Variants in MTTP observed in about 807,000 individuals in gnomAD.
MTTP encodes microsomal triglyceride transfer protein large subunit.
Under a neutral mutation model 90.6 loss-of-function variants are expected in MTTP, and 49 were observed. The ratio of observed to expected loss-of-function variants is 0.54; its 90% CI spans 0.43 to 0.69. The LOEUF (loss-of-function observed/expected upper bound fraction) is 0.69, where lower values mean the gene tolerates loss of function less well. Among genes scored for constraint, MTTP ranks in the 30% least tolerant of loss-of-function variants. The pLI is 0.00. For synonymous variants in MTTP, 347 were observed against 384.2 expected (o/e 0.90, Z 1.13); for missense variants, 945 against 1,067.5 (o/e 0.89, Z 1.60).
intron 10 of MTTP, among the ~76,000 whole-genome samples, chr4:99,604,208 G>T (rs1213742280): frequency 2.6e-5 from 4 of 152,022 alleles, no homozygotes; most frequent in Non-Finnish European, 5.9e-5. Context: ...GTAGCTACTG[G>T]GCACACTATA....
At chr4:99,594,931 T>C (rs1468255277) in intron 7 of MTTP, 48 bp downstream of exon 7, 3 of 1,601,758 alleles carry the variant, frequency 1.9e-6, no homozygotes, top group Non-Finnish European at 2.6e-6. Context: ...GACTCTGTTT[T>C]CATTTTGTCT....
chr4:99,612,189 A>T (rs1725973886), intron 14 of MTTP, among the ~76,000 whole-genome samples: 1 of 152,190 alleles, frequency 6.6e-6, no homozygotes, highest in Non-Finnish European at 1.5e-5. Flanking sequence ...TTTTGGTAGT[A>T]CTGTAGTCAG....
chr4:99,587,584 A>G (rs1725288583), intron 3 of MTTP, among the ~76,000 whole-genome samples: 1 of 152,166 alleles, frequency 6.6e-6, no homozygotes, highest in African/African-American at 2.4e-5. Flanking sequence ...AAACTTTAAA[A>G]ATAGCTCAGA....
At chr4:99,568,155 G>T (rs1724749773) in intron 1 of MTTP, among the ~76,000 whole-genome samples, 1 of 152,036 alleles carries the variant, frequency 6.6e-6, no homozygotes, top group Non-Finnish European at 1.5e-5. Context: ...ATTCACCATT[G>T]TACTGGAAAT....
At chr4:99,583,542 A>G in intron 3 of MTTP, 25 bp downstream of exon 3, 1 of 1,613,262 alleles carries the variant, frequency 6.2e-7, no homozygotes, top group Non-Finnish European at 8.5e-7. Context: ...AGATTCCACA[A>G]CTTTTTCTCC....
At position 99,606,737 on chromosome 4, in the gene MTTP, T is replaced by A; in HGVS notation, c.1345-11T>A. On this transcript the variant is annotated splice_polypyrimidine_tract_variant and intron_variant, in intron 10 of 17. Transcript: ENST00000265517. ...TGGTCATGCATATATCTAAGGTATA[T>A]GATTTTTCAGGCAGTAGTGGAAGCT... 3 of 1,612,370 alleles carry A rather than the reference T, an allele frequency of 1.9e-6. No homozygotes were observed. Among genetic ancestry groups the A allele is most frequent in the Non-Finnish European group, 2.5e-6 (3 of 1,179,374 alleles).
At chr4:99,583,682 A>G (rs1353997086) in intron 3 of MTTP, 165 bp downstream of exon 3, 2 of 845,096 alleles carry the variant, frequency 2.4e-6, no homozygotes, top group Non-Finnish European at 3.8e-6. Flanking sequence ...TCCAAACTGA[A>G]TCAATGCCCT....
chr4:99,566,143 G>T (rs1578224423), intron 1 of MTTP, among the ~76,000 whole-genome samples: 2 of 151,916 alleles, frequency 1.3e-5, no homozygotes, highest in African/African-American at 4.8e-5. Flanking sequence ...CAAAAACTTA[G>T]CCGGGCGTGG....
At chr4:99,601,457 T>TTTCCAGG in intron 9 of MTTP, 150 bp from the exon 10 acceptor site, 6 of 589,566 alleles carry the variant, frequency 1.0e-5, no homozygotes, top group Non-Finnish European at 9.2e-6. Context: ...AGATAGCAAA[T>TTTCCAGG]GTGTAAGTGT....
intron 10 of MTTP, among the ~76,000 whole-genome samples, chr4:99,603,298 A>G (rs1725740540): frequency 6.6e-6 from 1 of 152,098 alleles, no homozygotes; most frequent in Admixed American, 6.6e-5. Flanking sequence ...ATAACAAGCT[A>G]AGGAGTCTGG....
intron 4 of MTTP, among the ~76,000 whole-genome samples, chr4:99,590,575 C>T (rs1159339124): frequency 6.6e-6 from 1 of 152,058 alleles, no homozygotes; most frequent in Non-Finnish European, 1.5e-5. Context: ...TCAACCAGCC[C>T]ATGAGTGGGT....
chr4:99,577,529 T>A (rs562265629), intron 1 of MTTP, among the ~76,000 whole-genome samples: 95 of 142,440 alleles, frequency 6.7e-4, no homozygotes, highest in Middle Eastern at 3.9e-3. Context: ...TGCGTGAAAC[T>A]GGGAGGTGGA....
intron 1 of MTTP, among the ~76,000 whole-genome samples, chr4:99,578,346 C>G (rs1338037951): frequency 6.6e-6 from 1 of 152,164 alleles, no homozygotes. Flanking sequence ...CTGAAGAGCA[C>G]TATCCTACAA....
At chr4:99,594,993 G>T in intron 7 of MTTP, 110 bp downstream of exon 7, 1 of 1,312,554 alleles carries the variant, frequency 7.6e-7, no homozygotes, top group Non-Finnish European at 1.1e-6. Flanking sequence ...AGAACTACCA[G>T]CTACCACAGA....
intron 6 of MTTP, 36 bp downstream of exon 6, chr4:99,591,826 T>C (rs1345883144): frequency 2.0e-6 from 3 of 1,520,868 alleles, no homozygotes; most frequent in African/African-American, 1.4e-5. Flanking sequence ...TTCTTTGCTA[T>C]TCTTTGTTAT....
intron 3 of MTTP, among the ~76,000 whole-genome samples, chr4:99,587,734 T>C (rs1725292031): frequency 6.6e-6 from 1 of 152,162 alleles, no homozygotes; most frequent in African/African-American, 2.4e-5. Context: ...GCATTGCCAC[T>C]GAGTGAACAC....
In MTTP at chr4:99,612,956, C is replaced by T. The variant is rs1456238919; in HGVS notation, c.2033C>T (p.Thr678Ile). The T allele has an allele frequency of 2.5e-6, 4 of 1,613,976 alleles. No homozygotes were observed. The highest frequency in any genetic ancestry group is 2.2e-5 in the South Asian group (2 of 91,074). ...AQGLEALIAA[T>I]PDEGEENLDS... is the part of the protein sequence containing the mutation. ...GGACTGGAAGCCTTAATCGCAGCCA[C>T]CCCTGACGAGGGGGAGGAGAACCTT... is the stretch of plus-strand genomic sequence containing the variant. Residue 678 changes from threonine (T) to isoleucine (I), a missense_variant, in exon 15 of 18, where the codon ACC becomes ATC. By Grantham distance (89) the Thr-to-Ile change is moderately conservative. Transcript: ENST00000265517.
chr4:99,612,898 A>G lies in MTTP; in HGVS notation c.1990-15A>G. On this transcript the variant is annotated splice_polypyrimidine_tract_variant and intron_variant, in intron 14 of 17. Transcript: ENST00000265517. ...AGGGAGCTTGCGTCATGAACATTAT[A>G]TTGATTTTATCCAGGTGGTTATTGA... 1 of 1,608,070 alleles carries G rather than the reference A, an allele frequency of 6.2e-7. No individual in the cohort carries two copies. Among genetic ancestry groups the G allele is most frequent in the Non-Finnish European group, 8.5e-7 (1 of 1,174,710 alleles).
chr4:99,594,875 T>C lies in MTTP; in HGVS notation c.901T>C (p.Cys301Arg), dbSNP rs759706918. ...GGTCTTCCAGAGCCACTGTAAAGGA[T>C]GTCCTTCTGTAAGTGCAGACAAATA... ...GQVFQSHCKGCPSLSELWRST... is the reference protein window; with the variant it reads ...GQVFQSHCKGRPSLSELWRST... Residue 301 changes from cysteine (C) to arginine (R), a missense_variant, in exon 7 of 18, where the codon TGT becomes CGT. Transcript: ENST00000265517. 2.0e-5 allele frequency: 32 copies of C among 1,613,906 alleles called. No individual in the cohort carries two copies. The East Asian group carries it at 6.9e-4, about 35-fold the overall frequency.
Sources: allele counts gnomAD v4.1 joint callset (sites outside exome capture counted in the v4.1 genomes callset), GRCh38; gene constraint gnomAD v4.1.1; transcripts MANE v1.5; gene names NCBI Gene and HGNC (gene_info 2026-07-23, HGNC 2026-07-21).